DCLRE1B: variants seen among roughly 807,000 people sequenced by gnomAD.
DCLRE1B encodes the protein DNA cross-link repair 1B, also known as 5' exonuclease Apollo.
Under a neutral mutation model 19.8 loss-of-function variants are expected in DCLRE1B, and 6 were observed. The ratio of observed to expected loss-of-function variants is 0.30; its 90% CI spans 0.17 to 0.60. DCLRE1B has a LOEUF of 0.60. Among genes scored for constraint, DCLRE1B ranks in the 20% least tolerant of loss-of-function variants. The probability of loss-of-function intolerance (pLI) is 0.87; values close to 1 mark genes in which losing one functional copy is unlikely to be tolerated. For missense variants in DCLRE1B, 622 were observed against 654.2 expected, an observed-to-expected ratio of 0.95 and a Z score of 0.54; for synonymous variants, 258 against 255.7, an observed-to-expected ratio of 1.01 and a Z score of -0.09.
upstream of DCLRE1B, chr1:113,905,245 A>C (rs1668838505): frequency 1.1e-5 from 4 of 356,780 alleles, no homozygotes; most frequent in South Asian, 2.9e-5. Context: ...CTCCAGGCGC[A>C]GCTGCGCGGC....
At position 113,908,126 on chromosome 1, in the gene DCLRE1B, G is replaced by T; in HGVS notation, c.473G>T (p.Arg158Leu). ...AATCCAGCCCTGGTTCTTCCTTCCCGACAAGAAGCTGCCCACCAGATTGTC... is the reference window on the plus strand; with the variant it reads ...AATCCAGCCCTGGTTCTTCCTTCCCTACAAGAAGCTGCCCACCAGATTGTC... ...NCNPALVLPS[R>L]QEAAHQIVQL... The change falls in exon 3 of 4, where the codon CGA becomes CTA. Residue 158 changes from arginine to leucine, a missense_variant. Transcript: ENST00000650450. 1 of 1,614,116 alleles carries T rather than the reference G, an allele frequency of 6.2e-7. No homozygotes were observed. Among genetic ancestry groups the T allele is most frequent in the Non-Finnish European group, 8.5e-7 (1 of 1,180,026 alleles).
In DCLRE1B at chr1:113,909,142, G is replaced by C. The variant is rs187156848; in HGVS notation, c.538+951G>C. Among the ~76,000 whole-genome samples, 38 of 152,242 alleles carry C rather than the reference G, an allele frequency of 2.5e-4. 1 individual carries two copies. Among genetic ancestry groups the C allele is most frequent in the Non-Finnish European group, 2.1e-4 (14 of 68,016 alleles). ...ACTATGGCAGTCTCTGTTTTATTATGGGTGTATCACAAATGCCTACACTAA... is the reference window on the plus strand; with the variant it reads ...ACTATGGCAGTCTCTGTTTTATTATCGGTGTATCACAAATGCCTACACTAA... On this transcript the variant is annotated intron_variant, in intron 3 of 3. Transcript: ENST00000650450.
At chr1:113,906,958 G>T in intron 1 of DCLRE1B, 38 bp from the exon 2 acceptor site, 1 of 1,610,678 alleles carries the variant, frequency 6.2e-7, no homozygotes, top group African/African-American at 1.3e-5. Context: ...TAACGGAGAG[G>T]AGTCAGTGGT....
In DCLRE1B at chr1:113,911,420, T is replaced by C; in HGVS notation, c.828T>C (p.His276=). Residue 276 remains histidine, a synonymous_variant, in exon 4 of 4, where the codon CAT becomes CAC. Transcript: ENST00000650450. ...PDIHVIPYSD[H]SSYSELRAFV... Reference sequence around the variant, plus strand: ...TCCACGTCATCCCTTACTCTGACCATTCCTCTTACTCCGAGCTTCGTGCCT... The same window carrying C: ...TCCACGTCATCCCTTACTCTGACCACTCCTCTTACTCCGAGCTTCGTGCCT... The C allele has an allele frequency of 6.2e-7, 1 of 1,614,160 alleles. No individual in the cohort carries two copies.
chr1:113,904,885 A>G (rs1571596413), upstream of DCLRE1B: 1 of 666,526 alleles, frequency 1.5e-6, no homozygotes, highest in East Asian at 2.9e-5. Context: ...TGGCCCTGAC[A>G]CACTTCCACG....
intron 3 of DCLRE1B, among the ~76,000 whole-genome samples, chr1:113,909,232 G>A (rs1669160351): frequency 2.0e-5 from 3 of 152,180 alleles, no homozygotes; most frequent in East Asian, 3.8e-4. Context: ...ATTTAAGTGA[G>A]CGTTGTGCTT....
At position 113,908,161 on chromosome 1, in the gene DCLRE1B, C is replaced by T. The variant is rs138603501; in HGVS notation, c.508C>T (p.Arg170Ter). Residue 170 changes from arginine to a stop codon, truncating the protein, a stop_gained, in exon 3 of 4, where the codon CGA becomes TGA. Coordinates refer to ENST00000650450, the MANE Select transcript of DCLRE1B (RefSeq NM_022836.4). LOFTEE classifies it low-confidence loss of function (END_TRUNC). ...TGCCCACCAGATTGTCCAGCTCATT[C>T]GAAAACACCCACAACATAACATAAA... is the stretch of plus-strand genomic sequence containing the variant. ...EAAHQIVQLIRKHPQHNIKIG... is the reference protein window; with the variant it reads ...EAAHQIVQLI 3.8e-5 allele frequency: 61 copies of T among 1,613,884 alleles called. No homozygotes were observed. Among genetic ancestry groups the T allele is most frequent in the African/African-American group, 1.2e-4 (9 of 74,924 alleles).
rs2101078292 is a variant in DCLRE1B at position 113,913,739 on chromosome 1, C to T, written c.*1548C>T. 6.6e-6 allele frequency: 1 copy of T among 152,000 alleles called. No individual in the cohort carries two copies. The highest frequency in any genetic ancestry group is 2.1e-4 in the South Asian group (1 of 4,810). The allele number at this position is 152,000 out of a possible 1,614,324, so 9.4% of individuals were successfully genotyped here. A position where few individuals can be genotyped will look rare whatever the true frequency, so the allele number is the denominator to read the frequency against. ...CTTCTGGTTCTTGAAAGAAATTAATCTGTATATAACATAAGAAACTTTGAA... is the reference window on the plus strand; with the variant it reads ...CTTCTGGTTCTTGAAAGAAATTAATTTGTATATAACATAAGAAACTTTGAA... On this transcript the variant is annotated 3_prime_UTR_variant, in exon 4 of 4. Transcript: ENST00000650450.
At chr1:113,906,818 G>A (rs572385273) in intron 1 of DCLRE1B, among the ~76,000 whole-genome samples, 178 bp from the exon 2 acceptor site, 15 of 152,222 alleles carry the variant, frequency 9.9e-5, no homozygotes, top group African/African-American at 3.4e-4. Context: ...TTGTACAAAG[G>A]GTGGGATGGG....
Position 113,905,370 on chromosome 1 carries a change from T to C in DCLRE1B, c.-217T>C. On this transcript the variant is annotated 5_prime_UTR_variant, in exon 1 of 4. Transcript: ENST00000650450. ...GCCTCCGCTCCCGCGCGGTTGGGAG[T>C]GTCCAGCGCCCTCCGCGATTTGGGC... The C allele has an allele frequency of 1.8e-6, 1 of 554,190 alleles. No individual in the cohort carries two copies. Among genetic ancestry groups the C allele is most frequent in the East Asian group, 3.2e-5 (1 of 31,092 alleles). The allele number at this position is 554,190 out of a possible 1,614,324, so 34.3% of individuals were successfully genotyped here. A position where few individuals can be genotyped will look rare whatever the true frequency, so the allele number is the denominator to read the frequency against.
chr1:113,906,796 T>A (rs566312111), intron 1 of DCLRE1B, among the ~76,000 whole-genome samples, 200 bp from the exon 2 acceptor site: 1 of 151,794 alleles, frequency 6.6e-6, no homozygotes, highest in African/African-American at 2.4e-5. Flanking sequence ...CCCGGCCAGC[T>A]GAACTCTTAA....
Position 113,911,642 on chromosome 1 carries a change from A to C in DCLRE1B, c.1050A>C (p.Gln350His). ...GGAGGCTAAAGAGGCCGAGAACCCA[A>C]GGTGTTGTGTTTGAATCCCCTGAGG... ...LERRLKRPRT[Q>H]GVVFESPEES... The change falls in exon 4 of 4, where the codon CAA (glutamine) becomes CAC (histidine). Residue 350 changes from glutamine (Q) to histidine (H), a missense_variant. Gln to His is a conservative substitution (Grantham distance 24, BLOSUM62 0). Coordinates refer to ENST00000650450, the MANE Select transcript of DCLRE1B (RefSeq NM_022836.4). The C allele has an allele frequency of 6.2e-7, 1 of 1,605,062 alleles. No homozygotes were observed. The highest frequency in any genetic ancestry group is 1.7e-5 in the Admixed American group (1 of 58,626).
In DCLRE1B at chr1:113,913,882, ATAT is replaced by A. The variant is rs1451707449; in HGVS notation, c.*1693_*1695del. The A allele has an allele frequency of 6.6e-6, 1 of 152,138 alleles. No homozygotes were observed. Among genetic ancestry groups the A allele is most frequent in the East Asian group, 1.9e-4 (1 of 5,198 alleles). The allele number at this position is 152,138 out of a possible 1,614,324, so 9.4% of individuals were successfully genotyped here. ...GTAAATGTTTTTCAAAGTTGAGGTAATATTGTATAGAATTTTATAGCCTACATT... is the reference window on the plus strand; with the variant it reads ...GTAAATGTTTTTCAAAGTTGAGGTAATGTATAGAATTTTATAGCCTACATT... On this transcript the variant is annotated 3_prime_UTR_variant, in exon 4 of 4. Coordinates refer to ENST00000650450, the MANE Select transcript of DCLRE1B (RefSeq NM_022836.4).
intron 2 of DCLRE1B, among the ~76,000 whole-genome samples, chr1:113,907,727 G>GC (rs1027083494): frequency 5.9e-5 from 9 of 152,128 alleles, no homozygotes; most frequent in Non-Finnish European, 1.3e-4. Flanking sequence ...ACCTGGCTCG[G>GC]CCCCCCAAAG....
chr1:113,905,222 C>T (rs1014427378), upstream of DCLRE1B: 3 of 344,282 alleles, frequency 8.7e-6, no homozygotes, highest in African/African-American at 4.2e-5. Flanking sequence ...TGCCCTTCCC[C>T]CAACCTCTCA....
intron 2 of DCLRE1B, 59 bp downstream of exon 2, chr1:113,907,220 T>TG (rs1669064835): frequency 5.4e-6 from 7 of 1,304,774 alleles, no homozygotes; most frequent in Admixed American, 2.6e-5. Flanking sequence ...TTTTTTTTTT[T>TG]TTTTTTTTTT....
intron 3 of DCLRE1B, among the ~76,000 whole-genome samples, chr1:113,910,552 AG>A (rs1182311980): frequency 1.3e-5 from 2 of 151,588 alleles, no homozygotes; most frequent in Admixed American, 1.3e-4. Flanking sequence ...CCCAGGCTGG[AG>A]GGTAGTGGCA....
At chr1:113,904,961 C>G, upstream of DCLRE1B, 1 of 494,916 alleles carries the variant, frequency 2.0e-6, no homozygotes, top group Non-Finnish European at 3.7e-6. Flanking sequence ...GCAGGCCGTT[C>G]GCCCCGCCCA....
In DCLRE1B at chr1:113,911,771, T is replaced by C; in HGVS notation, c.1179T>C (p.Pro393=). ...TTGAAAAGCAGCCTTCCCACCATCCTTTGCGGATCAAGAAGCAGTTGTTCC... is the reference window on the plus strand; with the variant it reads ...TTGAAAAGCAGCCTTCCCACCATCCCTTGCGGATCAAGAAGCAGTTGTTCC... ...ADLEKQPSHH[P]LRIKKQLFPD... Residue 393 remains proline, a synonymous_variant, in exon 4 of 4, where the codon CCT becomes CCC. Coordinates refer to ENST00000650450, the MANE Select transcript of DCLRE1B (RefSeq NM_022836.4). 1 of 1,614,182 alleles carries C rather than the reference T, an allele frequency of 6.2e-7. No homozygotes were observed. Among genetic ancestry groups the C allele is most frequent in the South Asian group, 1.1e-5 (1 of 91,086 alleles).
Sources: gnomAD v4.1 joint callset for allele counts (sites outside exome capture counted in the v4.1 genomes callset) on GRCh38, gnomAD v4.1.1 for gene constraint, MANE v1.5 for transcripts, NCBI Gene and HGNC (gene_info 2026-07-23, HGNC 2026-07-21) for gene names.